WWTR1: variants seen among roughly 807,000 people sequenced by gnomAD.
The protein encoded by WWTR1 is WW domain containing transcription regulator 1, also known as WW domain-containing transcription regulator protein 1.
A neutral mutation model predicts 40.1 loss-of-function variants in WWTR1; 13 were observed. That is an observed-to-expected ratio of 0.32 (90% CI 0.21 to 0.52). The LOEUF (loss-of-function observed/expected upper bound fraction) is 0.52, where lower values mean the gene tolerates loss of function less well. Ranked by LOEUF, WWTR1 falls within the 20% of genes least tolerant of loss-of-function variation. The pLI, the probability that WWTR1 is intolerant of heterozygous loss-of-function variation, is 0.97. For synonymous variants in WWTR1, 230 were observed against 210.1 expected (o/e 1.09, Z -0.82); for missense variants, 436 against 523.1 (o/e 0.83, Z 1.63).
chr3:149,634,426 T>C (rs1399222957), intron 2 of WWTR1, among the ~76,000 whole-genome samples: 1 of 152,184 alleles, frequency 6.6e-6, no homozygotes, highest in Non-Finnish European at 1.5e-5. Flanking sequence ...CTTCTAAAGA[T>C]AAGAGCAGTA....
chr3:149,531,146 G>C (rs1054759740), intron 4 of WWTR1, among the ~76,000 whole-genome samples: 1 of 152,154 alleles, frequency 6.6e-6, no homozygotes, highest in East Asian at 1.9e-4. Context: ...TGTTGCCCAT[G>C]CTGGTCTCGA....
At chr3:149,676,668 G>A (rs6764160) in intron 1 of WWTR1, among the ~76,000 whole-genome samples, 4 of 151,552 alleles carry the variant, frequency 2.6e-5, no homozygotes, top group African/African-American at 4.8e-5. Flanking sequence ...TTGCCCATGC[G>A]CACAGTTAGC....
At chr3:149,544,536 G>A (rs893947004) in intron 3 of WWTR1, among the ~76,000 whole-genome samples, 18 of 152,168 alleles carry the variant, frequency 1.2e-4, no homozygotes, top group Admixed American at 1.0e-3. Flanking sequence ...GCTACATAAG[G>A]AACCTGGGAG....
chr3:149,543,636 C>CTTAAATAAAT (rs1337140293), intron 3 of WWTR1, among the ~76,000 whole-genome samples: 3 of 126,708 alleles, frequency 2.4e-5, no homozygotes. Flanking sequence ...TTTTAAAATC[C>CTTAAATAAAT]TTAAATAAAT....
At chr3:149,569,764 G>A (rs978131778) in intron 3 of WWTR1, among the ~76,000 whole-genome samples, 1 of 152,172 alleles carries the variant, frequency 6.6e-6, no homozygotes, top group Non-Finnish European at 1.5e-5. Context: ...TTATTTGACA[G>A]CTACATTCCA....
At chr3:149,585,639 C>G (rs1469240791) in intron 2 of WWTR1, among the ~76,000 whole-genome samples, 2 of 152,048 alleles carry the variant, frequency 1.3e-5, no homozygotes, top group Non-Finnish European at 2.9e-5. Flanking sequence ...CTTTACTGCC[C>G]TTGTTGGTAA....
intron 1 of WWTR1, 78 bp from the exon 2 acceptor site, chr3:149,657,387 AGAT>A: frequency 7.7e-6 from 11 of 1,432,006 alleles, no homozygotes; most frequent in Non-Finnish European, 8.4e-6. Context: ...TGAGAGGGCG[AGAT>A]GGTGGGAGAA....
chr3:149,684,738 A>G (rs1481778709), intron 1 of WWTR1, among the ~76,000 whole-genome samples: 1 of 151,848 alleles, frequency 6.6e-6, no homozygotes, highest in Non-Finnish European at 1.5e-5. Context: ...TAATTTTTGT[A>G]TTTTTTGTAG....
intron 4 of WWTR1, among the ~76,000 whole-genome samples, chr3:149,718,816 T>C (rs1011684075): frequency 7.1e-6 from 1 of 141,654 alleles, no homozygotes; most frequent in African/African-American, 2.8e-5. Flanking sequence ...GAATTTTCTT[T>C]CTTCTTCTTC....
chr3:149,571,070 C>T (rs1453762112), intron 3 of WWTR1, among the ~76,000 whole-genome samples: 1 of 152,014 alleles, frequency 6.6e-6, no homozygotes, highest in Non-Finnish European at 1.5e-5. Flanking sequence ...AAGCAAGATA[C>T]AGAACAGTGG....
intron 3 of WWTR1, among the ~76,000 whole-genome samples, chr3:149,568,248 T>C (rs1237887856): frequency 6.8e-6 from 1 of 147,396 alleles, no homozygotes; most frequent in Non-Finnish European, 1.5e-5. Context: ...TAGCTGGGTG[T>C]GGTGGCGGGC....
rs1276894112 is a variant in WWTR1, at chr3:149,708,991, TTATTTA to T, written n.585-5669_585-5664del. Among the ~76,000 whole-genome samples, 5 of 152,120 alleles carry T rather than the reference TTATTTA, an allele frequency of 3.3e-5. No homozygotes were observed. In the East Asian group the frequency reaches 5.8e-4, roughly 18 times the overall value. ...CCAATACTTATCTTTTTATTTGGTTTTATTTATATTTATATTTATATTTTATTTTTC... is the reference window on the plus strand; with the variant it reads ...CCAATACTTATCTTTTTATTTGGTTTTATTTATATTTATATTTTATTTTTC... On this transcript the variant is annotated intron_variant and non_coding_transcript_variant, in intron 5 of 6. Coordinates refer to the WWTR1 transcript ENST00000474080.
chr3:149,617,358 G>C (rs1358468331), intron 2 of WWTR1, among the ~76,000 whole-genome samples: 1 of 152,088 alleles, frequency 6.6e-6, no homozygotes, highest in Non-Finnish European at 1.5e-5. Context: ...AGTAGCATGT[G>C]GATAAGTCAA....
intron 1 of WWTR1, among the ~76,000 whole-genome samples, chr3:149,684,559 T>C (rs1426354821): frequency 7.2e-6 from 1 of 138,900 alleles, no homozygotes; most frequent in Non-Finnish European, 1.6e-5. Context: ...TATCTCATTA[T>C]TCTTTTTTTT....
At position 149,607,550 on chromosome 3, in the gene WWTR1, G is replaced by A. The variant is rs149956471; in HGVS notation, c.432-34550C>T. Among the ~76,000 whole-genome samples, 763 of 152,230 alleles carry A rather than the reference G, an allele frequency of 5.0e-3. 13 individuals carry two copies. The highest frequency in any genetic ancestry group is 0.045 in the East Asian group (233 of 5,172). On this transcript the variant is annotated intron_variant, in intron 2 of 6. Coordinates refer to ENST00000360632, the MANE Select transcript of WWTR1 (RefSeq NM_015472.6). ...AGGATGGTCTCGATCTCCTCACCTC[G>A]TGATCCGCCCGCCTCGGCCTCCCAA... is the stretch of plus-strand genomic sequence containing the variant.
chr3:149,616,849 T>C (rs1374043451), intron 2 of WWTR1, among the ~76,000 whole-genome samples: 2 of 152,202 alleles, frequency 1.3e-5, no homozygotes, highest in Non-Finnish European at 2.9e-5. Flanking sequence ...ACAAAGGCCA[T>C]GTACTTATTC....
chr3:149,664,649 C>T (rs1203028005), intron 2 of WWTR1, among the ~76,000 whole-genome samples: 1 of 148,882 alleles, frequency 6.7e-6, no homozygotes, highest in African/African-American at 2.5e-5. Context: ...AGTGCAATGG[C>T]GCCATCTCGG....
intron 4 of WWTR1, among the ~76,000 whole-genome samples, chr3:149,538,880 T>C (rs779902381): frequency 1.4e-4 from 21 of 152,236 alleles, no homozygotes; most frequent in Non-Finnish European, 2.8e-4. Context: ...AAATACAAGT[T>C]ATCTGAAGGC....
At chr3:149,683,391 C>T (rs904016022) in intron 1 of WWTR1, among the ~76,000 whole-genome samples, 5 of 152,122 alleles carry the variant, frequency 3.3e-5, no homozygotes, top group African/African-American at 1.2e-4. Context: ...TGCAGTTGCC[C>T]TGCCTCACTT....
Sources: gnomAD v4.1 joint callset for allele counts (sites outside exome capture counted in the v4.1 genomes callset) on GRCh38, gnomAD v4.1.1 for gene constraint, MANE v1.5 for transcripts, NCBI Gene and HGNC (gene_info 2026-07-23, HGNC 2026-07-21) for gene names.